Variants in SHISA9 observed in about 807,000 individuals in gnomAD.
SHISA9 encodes the protein shisa family member 9, also known as protein shisa-9.
Under a neutral mutation model 38.0 loss-of-function variants are expected in SHISA9, and 13 were observed. The ratio of observed to expected loss-of-function variants is 0.34; its 90% CI spans 0.22 to 0.54. SHISA9 has a LOEUF of 0.54. Among genes scored for constraint, SHISA9 ranks in the 20% least tolerant of loss-of-function variants. The pLI, the probability that SHISA9 is intolerant of heterozygous loss-of-function variation, is 0.91. For synonymous variants in SHISA9, 275 were observed against 242.0 expected (o/e 1.14, Z -1.27); for missense variants, 538 against 575.8 (o/e 0.93, Z 0.67).
chr16:13,448,526 G>A, the SHISA9 span, among the ~76,000 whole-genome samples: 6 of 152,198 alleles, frequency 3.9e-5, no homozygotes, highest in East Asian at 1.9e-4. Context: ...TGAACGGACC[G>A]TACTCTTCTG....
chr16:13,346,626 T>C, the SHISA9 span, among the ~76,000 whole-genome samples: 1 of 152,220 alleles, frequency 6.6e-6, no homozygotes, highest in African/African-American at 2.4e-5. Flanking sequence ...TCTTTTATTT[T>C]ATTATTTATG....
intron 2 of SHISA9, among the ~76,000 whole-genome samples, chr16:13,018,049 C>T (rs1438034009): frequency 1.3e-5 from 2 of 152,230 alleles, no homozygotes; most frequent in Non-Finnish European, 2.9e-5. Flanking sequence ...TTACCTAAAT[C>T]CTGTGTTGTC....
intron 2 of SHISA9, among the ~76,000 whole-genome samples, chr16:13,019,876 CTCCCTCCCTTCTTTCTTTCTTTCTTTCT>C (rs1567184022): frequency 6.2e-5 from 2 of 32,398 alleles, no homozygotes; most frequent in African/African-American, 1.4e-4. Context: ...CCCTCCCTCC[CTCCCTCCCTTCTTTCTTTCTTTCTTTCT>C]TTCTTTCTTT....
the SHISA9 span, among the ~76,000 whole-genome samples, chr16:13,549,690 A>T: frequency 0.04 from 6,086 of 152,186 alleles, 333 homozygotes; most frequent in African/African-American, 0.12. Context: ...TGACTGTAGA[A>T]GTGGGGAGTA....
the SHISA9 span, among the ~76,000 whole-genome samples, chr16:13,426,826 T>G: frequency 6.6e-6 from 1 of 152,234 alleles, no homozygotes; most frequent in East Asian, 1.9e-4. Flanking sequence ...TTGACAGTAA[T>G]TAAACACTTC....
At chr16:13,023,481 C>A (rs1005207372) in intron 2 of SHISA9, among the ~76,000 whole-genome samples, 3 of 152,188 alleles carry the variant, frequency 2.0e-5, no homozygotes, top group Non-Finnish European at 4.4e-5. Flanking sequence ...AATAAACATA[C>A]ATGTGCATGT....
chr16:13,067,385 G>C (rs1299619569), intron 2 of SHISA9, among the ~76,000 whole-genome samples: 1 of 152,214 alleles, frequency 6.6e-6, no homozygotes, highest in Non-Finnish European at 1.5e-5. Flanking sequence ...CTTTCTAGAT[G>C]AGTGATGTTG....
rs1345577466 is a variant in SHISA9, at chr16:13,129,864, G to A, written c.692-73530G>A. On this transcript the variant is annotated intron_variant, in intron 2 of 4. Transcript: ENST00000558583. ...CTCAGATCTATTGCTCTACTTGTGT[G>A]CCTTCTTTCCTTCTCCCTTCCCAGA... Among the ~76,000 whole-genome samples, 3 of 152,120 alleles carry A rather than the reference G, an allele frequency of 2.0e-5. No homozygotes were observed. The South Asian group carries it at 6.2e-4, about 32-fold the overall frequency.
intron 2 of SHISA9, among the ~76,000 whole-genome samples, chr16:13,062,888 G>C (rs1277593230): frequency 6.6e-6 from 1 of 152,194 alleles, no homozygotes; most frequent in African/African-American, 2.4e-5. Flanking sequence ...GCCTCACCCT[G>C]GTACCCTGAT....
intron 2 of SHISA9, among the ~76,000 whole-genome samples, chr16:13,089,785 T>G (rs1466220645): frequency 6.6e-6 from 1 of 152,222 alleles, no homozygotes; most frequent in African/African-American, 2.4e-5. Flanking sequence ...GAAGTGTTTT[T>G]TGTGTGTCTA....
the SHISA9 span, among the ~76,000 whole-genome samples, chr16:13,498,551 G>A: frequency 6.6e-6 from 1 of 152,246 alleles, no homozygotes; most frequent in East Asian, 1.9e-4. Flanking sequence ...GAGGTCAGGA[G>A]GTTGAGACCA....
At chr16:13,240,623 G>T (rs551283148), downstream of SHISA9, among the ~76,000 whole-genome samples, 1 of 152,190 alleles carries the variant, frequency 6.6e-6, no homozygotes, top group Non-Finnish European at 1.5e-5. Flanking sequence ...TGGTAAGTTT[G>T]TGTCACATCT....
the SHISA9 span, among the ~76,000 whole-genome samples, chr16:13,406,351 TCTC>T: frequency 7.9e-5 from 12 of 152,320 alleles, no homozygotes; most frequent in African/African-American, 2.9e-4. Context: ...TTTCCTGTCT[TCTC>T]AACCCCTTTT....
chr16:13,354,415 A>G, the SHISA9 span, among the ~76,000 whole-genome samples: 1 of 150,304 alleles, frequency 6.7e-6, no homozygotes, highest in Admixed American at 6.7e-5. Flanking sequence ...AGATACAGTC[A>G]TGGGGGTCAG....
chr16:13,071,438 C>G (rs1240253470), intron 2 of SHISA9, among the ~76,000 whole-genome samples: 1 of 152,080 alleles, frequency 6.6e-6, no homozygotes, highest in Non-Finnish European at 1.5e-5. Flanking sequence ...AGCTGAGGCT[C>G]AGAACATTGA....
At chr16:13,334,490 T>G in the SHISA9 span, among the ~76,000 whole-genome samples, 7 of 152,134 alleles carry the variant, frequency 4.6e-5, no homozygotes, top group South Asian at 4.1e-4. Context: ...ATAAATGAAC[T>G]AAGGCCGGGT....
chr16:13,038,196 C>T (rs8048952), intron 2 of SHISA9, among the ~76,000 whole-genome samples: 91,525 of 152,042 alleles, frequency 0.6, 28,533 homozygotes, highest in Middle Eastern at 0.74. Context: ...CACCATGTTG[C>T]CCAGGCTGGT....
intron 3 of SHISA9, among the ~76,000 whole-genome samples, chr16:13,205,367 C>T (rs150538978): frequency 1.3e-5 from 2 of 152,326 alleles, no homozygotes; most frequent in African/African-American, 4.8e-5. Context: ...TTCCTTCTCA[C>T]TGTGTCCTGT....
chr16:13,332,285 C>G, the SHISA9 span, among the ~76,000 whole-genome samples: 1 of 152,150 alleles, frequency 6.6e-6, no homozygotes, highest in East Asian at 1.9e-4. Flanking sequence ...GAAATCAGGA[C>G]AAGTTGTTCA....
Sources: allele counts gnomAD v4.1 joint callset (sites outside exome capture counted in the v4.1 genomes callset), GRCh38; gene constraint gnomAD v4.1.1; transcripts MANE v1.5; gene names NCBI Gene and HGNC (gene_info 2026-07-23, HGNC 2026-07-21).